The following MAGI2 variants were observed in gnomAD, a reference collection of about 807,000 sequenced individuals.
The protein encoded by MAGI2 is membrane-associated guanylate kinase, WW and PDZ domain-containing protein 2.
In MAGI2, 35 loss-of-function variants were observed where a neutral mutation model predicts 133.3. The observed-to-expected ratio is 0.26, with a 90% CI of 0.20 to 0.35. The LOEUF (loss-of-function observed/expected upper bound fraction) is 0.35, where lower values mean the gene tolerates loss of function less well. MAGI2 is among the 10% of genes least tolerant of loss of function. The probability of loss-of-function intolerance (pLI) is 1.00; values close to 1 mark genes in which losing one functional copy is unlikely to be tolerated. For synonymous variants in MAGI2, 729 were observed against 710.6 expected (o/e 1.03, Z -0.41); for missense variants, 1,636 against 1,863.4 (o/e 0.88, Z 2.25).
At chr7:78,668,600 C>G (rs1563326525) in intron 2 of MAGI2, among the ~76,000 whole-genome samples, 1 of 151,750 alleles carries the variant, frequency 6.6e-6, no homozygotes, top group Non-Finnish European at 1.5e-5. Context: ...CCAGTTTCAG[C>G]TTTCTACATA....
intron 3 of MAGI2, among the ~76,000 whole-genome samples, chr7:78,544,877 CA>C (rs985910726): frequency 6.6e-6 from 1 of 151,558 alleles, no homozygotes; most frequent in Non-Finnish European, 1.5e-5. Flanking sequence ...ACAACAGCAA[CA>C]AAAAACCTGA....
At chr7:79,109,801 G>A (rs1470549888) in intron 1 of MAGI2, among the ~76,000 whole-genome samples, 1 of 151,936 alleles carries the variant, frequency 6.6e-6, no homozygotes, top group Non-Finnish European at 1.5e-5. Flanking sequence ...GCTTCTGCCT[G>A]GGCACCCAGG....
At chr7:78,910,402 A>C (rs925529091) in intron 2 of MAGI2, among the ~76,000 whole-genome samples, 6 of 152,132 alleles carry the variant, frequency 3.9e-5, no homozygotes, top group African/African-American at 1.4e-4. Context: ...GTAGTAATAT[A>C]AATGTAAAAG....
chr7:79,165,909 A>G (rs1824860039), intron 1 of MAGI2, among the ~76,000 whole-genome samples: 1 of 152,108 alleles, frequency 6.6e-6, no homozygotes. Context: ...GGTAACTACA[A>G]TCACATCAAA....
At chr7:78,590,445 T>C (rs1411765355) in intron 3 of MAGI2, among the ~76,000 whole-genome samples, 2 of 152,168 alleles carry the variant, frequency 1.3e-5, no homozygotes, top group Non-Finnish European at 2.9e-5. Context: ...CCCAGGACAT[T>C]GGGAAAATTT....
At chr7:78,725,722 C>A (rs566013114) in intron 2 of MAGI2, among the ~76,000 whole-genome samples, 12 of 152,204 alleles carry the variant, frequency 7.9e-5, no homozygotes, top group Non-Finnish European at 1.5e-4. Flanking sequence ...CGGCGGGAAC[C>A]TGGGAGGTGG....
At chr7:78,914,580 T>G (rs971129546) in intron 2 of MAGI2, among the ~76,000 whole-genome samples, 2 of 152,150 alleles carry the variant, frequency 1.3e-5, no homozygotes, top group Admixed American at 6.6e-5. Context: ...GAACACACGA[T>G]CAATCAAATT....
intron 18 of MAGI2, among the ~76,000 whole-genome samples, chr7:78,132,445 T>C (rs912247326): frequency 4.6e-5 from 7 of 152,252 alleles, no homozygotes; most frequent in African/African-American, 1.7e-4. Context: ...TAAGTAAGCA[T>C]GCTTACAAGG....
At chr7:78,799,350 A>T (rs987552131) in intron 2 of MAGI2, among the ~76,000 whole-genome samples, 1 of 152,178 alleles carries the variant, frequency 6.6e-6, no homozygotes, top group African/African-American at 2.4e-5. Flanking sequence ...AACTCTAATA[A>T]TAGAAGCAGG....
chr7:78,435,789 A>G (rs73701490), intron 6 of MAGI2, among the ~76,000 whole-genome samples: 3,873 of 152,292 alleles, frequency 0.025, 62 homozygotes, highest in South Asian at 0.075. Context: ...CCCAGAAAAC[A>G]AACAGTTCCT....
chr7:79,157,032 TC>T (rs1216866820), intron 1 of MAGI2, among the ~76,000 whole-genome samples: 1 of 152,022 alleles, frequency 6.6e-6, no homozygotes, highest in East Asian at 1.9e-4. Flanking sequence ...AGCTGGTTTT[TC>T]TCCTAGGAAG....
intron 2 of MAGI2, among the ~76,000 whole-genome samples, chr7:78,962,974 T>C (rs1232940712): frequency 6.6e-6 from 1 of 152,122 alleles, no homozygotes; most frequent in South Asian, 2.1e-4. Context: ...CTAGAAAACT[T>C]TAACTGTTTT....
chr7:78,202,401 G>A (rs1033895555), intron 10 of MAGI2, among the ~76,000 whole-genome samples: 5 of 152,040 alleles, frequency 3.3e-5, no homozygotes, highest in Admixed American at 3.3e-4. Context: ...AATTAAACTG[G>A]GCCGGGTGCA....
intron 1 of MAGI2, among the ~76,000 whole-genome samples, chr7:79,223,219 G>A (rs565299609): frequency 1.5e-4 from 23 of 151,922 alleles, no homozygotes; most frequent in Non-Finnish European, 2.9e-4. Flanking sequence ...ACAGACGAAG[G>A]CAACTTGAGA....
intron 3 of MAGI2, among the ~76,000 whole-genome samples, chr7:78,536,151 C>T (rs1216106003): frequency 2.2e-4 from 22 of 100,568 alleles, no homozygotes; most frequent in African/African-American, 5.8e-4. Flanking sequence ...CTCGCTCTGT[C>T]GCCCAGGCTG....
chr7:78,789,501 G>C (rs1827097597), intron 2 of MAGI2, among the ~76,000 whole-genome samples: 1 of 151,860 alleles, frequency 6.6e-6, no homozygotes, highest in Non-Finnish European at 1.5e-5. Context: ...GGACTAAAGA[G>C]TAATTCTTTC....
rs1337780268 is a variant in MAGI2 at position 78,019,906 on chromosome 7, G to A, written c.3777C>T (p.Asp1259=). The A allele has an allele frequency of 1.2e-6, 2 of 1,610,614 alleles. No homozygotes were observed. The highest frequency in any genetic ancestry group is 2.7e-5 in the African/African-American group (2 of 74,810). Residue 1259 remains aspartate, a synonymous_variant, in exon 22 of 22, where the codon GAC becomes GAT. Coordinates refer to ENST00000354212, the MANE Select transcript of MAGI2 (RefSeq NM_012301.4). The stretch of plus-strand genomic sequence containing the variant: ...ATGGAGAGAATGGAGCGAGGCCGTC[G>A]TCCAGGGAGACGCCTACTTCCGGCA... ...PGLPEVGVSL[D]DGLAPFSPSH... is the part of the protein sequence containing the mutation.
At chr7:78,066,141 C>A (rs1276466674) in intron 21 of MAGI2, among the ~76,000 whole-genome samples, 1 of 152,082 alleles carries the variant, frequency 6.6e-6, no homozygotes, top group Non-Finnish European at 1.5e-5. Flanking sequence ...TAGAGTTCCC[C>A]TTACCACTAA....
chr7:78,871,535 G>A (rs1037906473), intron 2 of MAGI2, among the ~76,000 whole-genome samples: 2 of 151,860 alleles, frequency 1.3e-5, no homozygotes, highest in Non-Finnish European at 2.9e-5. Context: ...GCTGATTATT[G>A]GTTTTAAAGA....
Sources: allele counts gnomAD v4.1 joint callset (sites outside exome capture counted in the v4.1 genomes callset), GRCh38; gene constraint gnomAD v4.1.1; transcripts MANE v1.5; gene names NCBI Gene and HGNC (gene_info 2026-07-23, HGNC 2026-07-21).